GPHN: variants seen among roughly 807,000 people sequenced by gnomAD.
The protein encoded by GPHN is gephyrin.
Under a neutral mutation model 95.5 loss-of-function variants are expected in GPHN, and 17 were observed. The observed-to-expected ratio is 0.18, with a 90% CI of 0.12 to 0.27. The LOEUF is 0.27. Ranked by LOEUF, GPHN falls within the 10% of genes least tolerant of loss-of-function variation. GPHN has a pLI of 1.00. For synonymous variants in GPHN, 320 were observed against 322.5 expected (o/e 0.99, Z 0.08); for missense variants, 660 against 978.1 (o/e 0.67, Z 4.34).
chr14:67,470,327 G>A, the GPHN span: 2 of 152,284 alleles, frequency 1.3e-5, no homozygotes, highest in Non-Finnish European at 2.9e-5. Context: ...GAGACAGAGG[G>A]ACCAACGGAG....
At chr14:67,623,634 C>T in the GPHN span, among the ~76,000 whole-genome samples, 1 of 149,210 alleles carries the variant, frequency 6.7e-6, no homozygotes, top group African/African-American at 2.5e-5. Context: ...CTCCGCCTCC[C>T]GGGTTCAAGC....
chr14:67,673,117 C>CGGAT, the GPHN span, among the ~76,000 whole-genome samples: 4 of 152,148 alleles, frequency 2.6e-5, no homozygotes, highest in African/African-American at 9.7e-5. Context: ...CCAAAGAAGG[C>CGGAT]GGATCACTTG....
chr14:67,439,579 T>TTCTTTC, the GPHN span, among the ~76,000 whole-genome samples: 1 of 127,396 alleles, frequency 7.8e-6, no homozygotes, highest in Non-Finnish European at 1.6e-5. Context: ...CTTTCTTTCT[T>TTCTTTC]TCTTTCTTTC....
chr14:67,019,146 C>T (rs1490916685), intron 9 of GPHN, among the ~76,000 whole-genome samples: 5 of 152,138 alleles, frequency 3.3e-5, no homozygotes, highest in African/African-American at 1.2e-4. Flanking sequence ...ATTTTAAATA[C>T]CTTGTATTGA....
chr14:67,527,666 G>A, the GPHN span, among the ~76,000 whole-genome samples: 58,915 of 152,048 alleles, frequency 0.39, 12,188 homozygotes, highest in African/African-American at 0.54. Context: ...GTTTTGTACC[G>A]CAGCAGCCCC....
intron 1 of GPHN, among the ~76,000 whole-genome samples, chr14:66,669,154 G>C (rs763026713): frequency 1.3e-5 from 2 of 152,130 alleles, no homozygotes; most frequent in African/African-American, 4.8e-5. Context: ...AGCTGAGGTC[G>C]GGAGTTCGAG....
At chr14:66,805,138 A>G (rs962148964) in intron 3 of GPHN, among the ~76,000 whole-genome samples, 1 of 152,208 alleles carries the variant, frequency 6.6e-6, no homozygotes, top group Non-Finnish European at 1.5e-5. Context: ...ATCATGGTGG[A>G]CAGCAAGGAG....
At chr14:67,312,357 C>T in the GPHN span, among the ~76,000 whole-genome samples, 1 of 152,062 alleles carries the variant, frequency 6.6e-6, no homozygotes, top group Non-Finnish European at 1.5e-5. Flanking sequence ...GGAGAAGGAT[C>T]GCTTGAGGCT....
At chr14:67,057,419 G>GGT (rs2075643206) in intron 10 of GPHN, among the ~76,000 whole-genome samples, 1 of 148,972 alleles carries the variant, frequency 6.7e-6, no homozygotes, top group African/African-American at 2.5e-5. Flanking sequence ...GGTGGGGGGG[G>GGT]CAACAGCACA....
the GPHN span, among the ~76,000 whole-genome samples, chr14:67,247,245 T>A: frequency 1.3e-5 from 2 of 152,244 alleles, no homozygotes; most frequent in East Asian, 3.8e-4. Flanking sequence ...AATACTTTAT[T>A]AAGTCTATAC....
chr14:67,506,780 T>G, the GPHN span, among the ~76,000 whole-genome samples: 1 of 152,076 alleles, frequency 6.6e-6, no homozygotes, highest in Non-Finnish European at 1.5e-5. Flanking sequence ...AGTAAAGAGA[T>G]CGAGACCATC....
intron 4 of GPHN, among the ~76,000 whole-genome samples, chr14:66,833,522 A>G (rs2061663851): frequency 1.3e-5 from 2 of 152,154 alleles, no homozygotes; most frequent in African/African-American, 2.4e-5. Flanking sequence ...TGAGTCTCCT[A>G]TCAGCCAGTA....
At chr14:67,283,020 GT>G in the GPHN span, among the ~76,000 whole-genome samples, 1 of 152,032 alleles carries the variant, frequency 6.6e-6, no homozygotes, top group Non-Finnish European at 1.5e-5. Context: ...CTATAAAATT[GT>G]TGTCTTTGAA....
chr14:67,287,586 T>A, the GPHN span, among the ~76,000 whole-genome samples: 3 of 152,354 alleles, frequency 2.0e-5, no homozygotes, highest in East Asian at 5.8e-4. Flanking sequence ...GAACAGACAT[T>A]CATGTGCAAC....
chr14:67,296,585 CAAAAAAAAAAAA>C, the GPHN span, among the ~76,000 whole-genome samples: 98 of 51,022 alleles, frequency 1.9e-3, 1 homozygote, highest in South Asian at 4.8e-3. Context: ...AACTCTGTCT[CAAAAAAAAAAAA>C]AAAAAAAAAA....
chr14:66,619,906 C>T (rs1242846122), intron 1 of GPHN, among the ~76,000 whole-genome samples: 1 of 152,018 alleles, frequency 6.6e-6, no homozygotes, highest in Admixed American at 6.6e-5. Flanking sequence ...CAAATAGGGT[C>T]CTGATAGAGA....
intron 3 of GPHN, among the ~76,000 whole-genome samples, chr14:66,802,498 A>G (rs1017108466): frequency 1.3e-4 from 20 of 152,176 alleles, no homozygotes; most frequent in Admixed American, 1.1e-3. Context: ...AGTCCCTTTC[A>G]CTTTTCCTTC....
chr14:67,726,982 C>A, the GPHN span: 1 of 1,612,300 alleles, frequency 6.2e-7, no homozygotes. Flanking sequence ...TCCTCACAGG[C>A]CACTTCCTCC....
chr14:67,084,574 G>T (rs2153665059), intron 11 of GPHN, among the ~76,000 whole-genome samples: 2 of 152,236 alleles, frequency 1.3e-5, no homozygotes, highest in South Asian at 4.2e-4. Flanking sequence ...CTATTTCTCT[G>T]TCTTTCTCTT....
Sources: allele counts gnomAD v4.1 joint callset (sites outside exome capture counted in the v4.1 genomes callset), GRCh38; gene constraint gnomAD v4.1.1; transcripts MANE v1.5; gene names NCBI Gene and HGNC (gene_info 2026-07-23, HGNC 2026-07-21).